Variants in IFT140 observed in about 807,000 individuals in gnomAD.
The protein encoded by IFT140 is intraflagellar transport 140.
Under a neutral mutation model 164.6 loss-of-function variants are expected in IFT140, and 133 were observed. That is an observed-to-expected ratio of 0.81 (90% CI 0.70 to 0.93). IFT140 has a LOEUF of 0.93. IFT140 is among the 40% of genes least tolerant of loss of function. IFT140 has a pLI of 0.00. For synonymous variants in IFT140, 860 were observed against 817.3 expected (o/e 1.05, Z -0.89); for missense variants, 2,045 against 1,972.3 (o/e 1.04, Z -0.70).
intron 30 of IFT140, among the ~76,000 whole-genome samples, chr16:1,513,669 TTC>T (rs1382392568): frequency 1.1e-5 from 1 of 87,564 alleles, no homozygotes; most frequent in East Asian, 4.4e-4. Context: ...TCTCACAACT[TTC>T]TTTTTTTTTT....
rs1210664549 is a variant in IFT140, at chr16:1,571,511, AAGG to A, written c.1545_1547del (p.Leu516del). Reference sequence around the variant, plus strand: ...AGGGATTCCCCTCAGTCTCCGAGAAAAGGAGGAGTTGTTTGACAGTCCCCTGAG... The same window carrying A: ...AGGGATTCCCCTCAGTCTCCGAGAAAAGGAGTTGTTTGACAGTCCCCTGAG... On this transcript the variant is annotated inframe_deletion, in exon 14 of 31. Coordinates refer to ENST00000426508, the MANE Select transcript of IFT140 (RefSeq NM_014714.4). 28 of 1,613,358 alleles carry A rather than the reference AAGG, an allele frequency of 1.7e-5. No individual in the cohort carries two copies. Among genetic ancestry groups the A allele is most frequent in the Non-Finnish European group, 2.3e-5 (27 of 1,179,774 alleles).
In IFT140 at chr16:1,569,373, G is replaced by A. The variant is rs770506042; in HGVS notation, c.1653-1039C>T. Reference sequence around the variant, plus strand: ...ATTTATTGACTTACTCATATCATTCGGACTCACACTAGTCATTTTTTTACT... The same window carrying A: ...ATTTATTGACTTACTCATATCATTCAGACTCACACTAGTCATTTTTTTACT... On this transcript the variant is annotated intron_variant, in intron 14 of 30. Coordinates refer to ENST00000426508, the MANE Select transcript of IFT140 (RefSeq NM_014714.4). 3.6e-4 allele frequency among the ~76,000 whole-genome samples: 55 copies of A among 151,872 alleles called. 1 individual carries two copies. The highest frequency in any genetic ancestry group is 3.6e-4 in the African/African-American group (15 of 41,326).
chr16:1,543,590 G>T (rs529416832), intron 19 of IFT140, among the ~76,000 whole-genome samples: 20 of 152,344 alleles, frequency 1.3e-4, no homozygotes, highest in African/African-American at 4.8e-4. Context: ...AAACTAACGT[G>T]AGCCTCTGCA....
At chr16:1,608,793 G>A (rs2036204690) in intron 2 of IFT140, among the ~76,000 whole-genome samples, 1 of 152,134 alleles carries the variant, frequency 6.6e-6, no homozygotes, top group African/African-American at 2.4e-5. Flanking sequence ...ATGGCTCACT[G>A]TAGCCTTGAA....
At chr16:1,511,204 C>G in intron 30 of IFT140, 54 bp from the exon 31 acceptor site, 1 of 1,491,226 alleles carries the variant, frequency 6.7e-7, no homozygotes, top group South Asian at 1.2e-5. Flanking sequence ...AGGCACGACC[C>G]TCTGCCTGCA....
rs1217459208 is a variant in IFT140 at position 1,607,353 on chromosome 16, TG to T, written c.-31-57del. The T allele has an allele frequency of 1.9e-5, 26 of 1,382,270 alleles. No individual in the cohort carries two copies. The African/African-American group carries it at 2.8e-4, about 15-fold the overall frequency. The allele number at this position is 1,382,270 out of a possible 1,614,324, so 85.6% of individuals were successfully genotyped here. A position where few individuals can be genotyped will look rare whatever the true frequency, so the allele number is the denominator to read the frequency against. On this transcript the variant is annotated intron_variant, in intron 2 of 30. Transcript: ENST00000426508. ...TCAGTTTTAAATAAAACAAACAATA[TG>T]ACTGTACATGGAATGACGAAAAGGA... is the stretch of plus-strand genomic sequence containing the variant.
chr16:1,604,723 G>C (rs1324471130), intron 3 of IFT140, among the ~76,000 whole-genome samples: 2 of 152,162 alleles, frequency 1.3e-5, no homozygotes, highest in African/African-American at 4.8e-5. Flanking sequence ...TGGGAACCTG[G>C]AGGAGGGAAG....
intron 24 of IFT140, 156 bp from the exon 25 acceptor site, chr16:1,524,112 C>T: frequency 2.1e-6 from 2 of 946,216 alleles, no homozygotes; most frequent in Non-Finnish European, 3.1e-6. Flanking sequence ...TGATGACTTA[C>T]TGGGTTTGTC....
At chr16:1,578,773 G>A (rs1050703098) in intron 13 of IFT140, among the ~76,000 whole-genome samples, 1 of 152,166 alleles carries the variant, frequency 6.6e-6, no homozygotes, top group Non-Finnish European at 1.5e-5. Context: ...GGACAGTGGT[G>A]CAATCATAGC....
chr16:1,604,274 C>CGTGCGTGTGTGTGTGTGT (rs1555496511), intron 3 of IFT140: 1 of 129,812 alleles, frequency 7.7e-6, no homozygotes, highest in Admixed American at 8.0e-5. Flanking sequence ...GCTGCAAGGG[C>CGTGCGTGTGTGTGTGTGT]GTGTGTGTGT....
In IFT140 at chr16:1,586,036, G is replaced by T; in HGVS notation, c.1155+94C>A. Reference sequence around the variant, plus strand: ...TCCACCCGCCTTGGCCTCCCAAAGTGCTGGGATTACAGGCGTGAGCCACCG... The same window carrying T: ...TCCACCCGCCTTGGCCTCCCAAAGTTCTGGGATTACAGGCGTGAGCCACCG... On this transcript the variant is annotated intron_variant, in intron 10 of 30. Coordinates refer to ENST00000426508, the MANE Select transcript of IFT140 (RefSeq NM_014714.4). 4 of 1,475,902 alleles carry T rather than the reference G, an allele frequency of 2.7e-6. No homozygotes were observed. The Admixed American group carries it at 6.7e-5, about 25-fold the overall frequency. 91.4% of individuals were successfully genotyped at this position (1,475,902 alleles called of 1,614,324 possible).
At chr16:1,590,057 C>T (rs535096502) in intron 6 of IFT140, among the ~76,000 whole-genome samples, 11 of 152,026 alleles carry the variant, frequency 7.2e-5, no homozygotes, top group South Asian at 2.1e-4. Context: ...ACTAGCCAGG[C>T]GGGCGTGGTG....
chr16:1,532,960 T>C, intron 19 of IFT140: 1 of 152,486 alleles, frequency 6.6e-6, no homozygotes, highest in East Asian at 1.9e-4. Flanking sequence ...CCACGTGACA[T>C]TCGCTCTGTC....
intron 14 of IFT140, among the ~76,000 whole-genome samples, chr16:1,569,280 T>C (rs533620679): frequency 6.6e-6 from 1 of 152,218 alleles, no homozygotes; most frequent in South Asian, 2.1e-4. Flanking sequence ...AGTGTTGGGA[T>C]TACAGGCGTG....
At chr16:1,599,966 T>C (rs1422561549) in intron 4 of IFT140, among the ~76,000 whole-genome samples, 47 of 141,240 alleles carry the variant, frequency 3.3e-4, no homozygotes, top group African/African-American at 1.3e-3. Context: ...CAACAGCTCA[T>C]TGAGAACGGG....
chr16:1,565,237 A>G (rs2033647043), intron 16 of IFT140, among the ~76,000 whole-genome samples: 2 of 152,130 alleles, frequency 1.3e-5, no homozygotes, highest in East Asian at 3.8e-4. Flanking sequence ...GGGTTCGAGG[A>G]GCGGCCCAAG....
chr16:1,534,269 G>A (rs371045393), intron 19 of IFT140: 67 of 1,609,874 alleles, frequency 4.2e-5, no homozygotes, highest in Admixed American at 2.5e-4. Context: ...CGGCACCGGC[G>A]TCAGCGATGA....
At position 1,568,226 on chromosome 16, in the gene IFT140, G is replaced by A. The variant is rs886855222; in HGVS notation, c.1761C>T (p.Leu587=). 1.2e-6 allele frequency: 2 copies of A among 1,600,954 alleles called. No homozygotes were observed. Among genetic ancestry groups the A allele is most frequent in the Non-Finnish European group, 8.5e-7 (1 of 1,174,492 alleles). The change falls in exon 15 of 31, where the codon CTC becomes CTT. Residue 587 remains leucine (L), a synonymous_variant. Transcript: ENST00000426508. ...CGAGGGGTGGCCTCACCTTGCTGGG[G>A]AGGATGCTGATGGTGCTCCCGCTGC... The part of the protein sequence containing the change: ...CSSSGSTISI[L]PSKADNSPDS...
intron 26 of IFT140, 35 bp downstream of exon 26, chr16:1,523,483 C>A: frequency 1.3e-6 from 2 of 1,592,104 alleles, no homozygotes; most frequent in Non-Finnish European, 1.7e-6. Flanking sequence ...GTGGTGCCTG[C>A]GTGGAGCCGA....
Sources: gnomAD v4.1 joint callset for allele counts (sites outside exome capture counted in the v4.1 genomes callset) on GRCh38, gnomAD v4.1.1 for gene constraint, MANE v1.5 for transcripts, NCBI Gene and HGNC (gene_info 2026-07-23, HGNC 2026-07-21) for gene names.